ATRNL1: variants seen among roughly 807,000 people sequenced by gnomAD.
ATRNL1 encodes the protein attractin-like protein 1.
Under a neutral mutation model 182.7 loss-of-function variants are expected in ATRNL1, and 95 were observed. That is an observed-to-expected ratio of 0.52 (90% CI 0.44 to 0.62). ATRNL1 has a LOEUF of 0.62. Ranked by LOEUF, ATRNL1 falls within the 20% of genes least tolerant of loss-of-function variation. ATRNL1 has a pLI of 0.00. For missense variants in ATRNL1, 1,471 were observed against 1,679.5 expected (o/e 0.88, Z 2.17); for synonymous variants, 576 against 568.3 (o/e 1.01, Z -0.19).
At chr10:115,535,791 G>A (rs1554990031) in intron 25 of ATRNL1, among the ~76,000 whole-genome samples, 1 of 152,098 alleles carries the variant, frequency 6.6e-6, no homozygotes, top group South Asian at 2.1e-4. Flanking sequence ...TTTTCGGTGT[G>A]GATGTCCTTT....
At position 115,093,553 on chromosome 10, in the gene ATRNL1, G is replaced by A. The variant is rs945603133; in HGVS notation, c.-198G>A. On this transcript the variant is annotated 5_prime_UTR_variant, in exon 1 of 29. In the 5' UTR this introduces an upstream ATG that the reference lacks. Transcript: ENST00000355044. The surrounding 1 kb of genome is among the most constrained non-coding windows in gnomAD (Gnocchi z 6.1). Reference sequence around the variant, plus strand: ...CGGGAGACTGGGTGGCGATGCCCGAGTGCGACTGGAGGCAGCCGAGCGGAG... The same window carrying A: ...CGGGAGACTGGGTGGCGATGCCCGAATGCGACTGGAGGCAGCCGAGCGGAG... The A allele has an allele frequency of 1.4e-6, 1 of 698,122 alleles. No individual in the cohort carries two copies. The highest frequency in any genetic ancestry group is 2.0e-5 in the Admixed American group (1 of 48,928). The allele number at this position is 698,122 out of a possible 1,614,324, so 43.2% of individuals were successfully genotyped here.
At chr10:115,787,106 G>A (rs1949415806) in intron 27 of ATRNL1, among the ~76,000 whole-genome samples, 1 of 152,124 alleles carries the variant, frequency 6.6e-6, no homozygotes, top group African/African-American at 2.4e-5. Flanking sequence ...GTCTGCCATG[G>A]TTACCTAGCC....
intron 26 of ATRNL1, among the ~76,000 whole-genome samples, chr10:115,721,723 T>A (rs940591280): frequency 6.6e-6 from 1 of 152,190 alleles, no homozygotes; most frequent in Admixed American, 6.5e-5. Flanking sequence ...AAGTTGAGAT[T>A]TGGGTGGGGA....
chr10:115,427,924 G>A (rs1438134051), intron 21 of ATRNL1, among the ~76,000 whole-genome samples: 2 of 150,400 alleles, frequency 1.3e-5, no homozygotes, highest in Non-Finnish European at 3.0e-5. Context: ...ATTTGCAAGT[G>A]AATTTTAGAA....
intron 26 of ATRNL1, among the ~76,000 whole-genome samples, chr10:115,553,264 T>C (rs1853106329): frequency 6.6e-6 from 1 of 151,448 alleles, no homozygotes; most frequent in Non-Finnish European, 1.5e-5. Context: ...TGTGAAACTT[T>C]AACTGCAAAA....
chr10:115,339,153 T>C (rs1381972907), intron 19 of ATRNL1, among the ~76,000 whole-genome samples: 1 of 152,156 alleles, frequency 6.6e-6, no homozygotes, highest in Non-Finnish European at 1.5e-5. Context: ...AGTCAGGTAA[T>C]GTCATTCCTT....
intron 24 of ATRNL1, among the ~76,000 whole-genome samples, chr10:115,476,772 T>C (rs4582885): frequency 0.2 from 29,751 of 151,292 alleles, 3,100 homozygotes; most frequent in South Asian, 0.24. Flanking sequence ...AACCTTTTTT[T>C]TAACTCTTGC....
intron 20 of ATRNL1, among the ~76,000 whole-genome samples, chr10:115,413,344 A>G (rs1201971376): frequency 6.6e-6 from 1 of 152,094 alleles, no homozygotes; most frequent in Non-Finnish European, 1.5e-5. Context: ...TAAACGTGGA[A>G]CAAATTTATC....
At chr10:115,913,733 C>A (rs1224972227) in intron 28 of ATRNL1, among the ~76,000 whole-genome samples, 3 of 152,158 alleles carry the variant, frequency 2.0e-5, no homozygotes, top group Non-Finnish European at 4.4e-5. Flanking sequence ...ACAATGTCAG[C>A]CTGTGCAGAA....
At chr10:115,848,553 C>T (rs1257639456) in intron 28 of ATRNL1, among the ~76,000 whole-genome samples, 1 of 152,118 alleles carries the variant, frequency 6.6e-6, no homozygotes, top group Non-Finnish European at 1.5e-5. Flanking sequence ...TAGGTGGGCA[C>T]AGCCAGCCTT....
At chr10:115,575,286 A>G (rs1854634851) in intron 26 of ATRNL1, among the ~76,000 whole-genome samples, 1 of 152,182 alleles carries the variant, frequency 6.6e-6, no homozygotes, top group Non-Finnish European at 1.5e-5. Flanking sequence ...AGATTTGAGC[A>G]ATTATGTGTG....
chr10:115,601,820 T>C (rs1347229186), intron 26 of ATRNL1, among the ~76,000 whole-genome samples: 2 of 152,216 alleles, frequency 1.3e-5, no homozygotes, highest in African/African-American at 4.8e-5. Flanking sequence ...CAGTAATTTC[T>C]TCCTGCATTT....
chr10:115,911,051 C>G (rs1414038636), intron 28 of ATRNL1, among the ~76,000 whole-genome samples: 1 of 152,130 alleles, frequency 6.6e-6, no homozygotes, highest in Admixed American at 6.6e-5. Flanking sequence ...GTCGCCCAGG[C>G]TGGAGTGCAA....
chr10:115,805,050 A>C (rs2134243461), intron 27 of ATRNL1, among the ~76,000 whole-genome samples: 1 of 152,222 alleles, frequency 6.6e-6, no homozygotes, highest in South Asian at 2.1e-4. Context: ...TTAGGTAAAT[A>C]TGTAAAATTC....
chr10:115,496,994 C>T (rs1386040873), intron 24 of ATRNL1, among the ~76,000 whole-genome samples: 1 of 152,108 alleles, frequency 6.6e-6, no homozygotes, highest in Non-Finnish European at 1.5e-5. Flanking sequence ...TTCAGCGACA[C>T]CAGTGAGTTG....
intron 13 of ATRNL1, among the ~76,000 whole-genome samples, chr10:115,275,547 A>G (rs1304932352): frequency 6.6e-6 from 1 of 151,994 alleles, no homozygotes; most frequent in Non-Finnish European, 1.5e-5. Flanking sequence ...TAGTAACCTC[A>G]CCCACCTTGC....
At chr10:115,236,756 TTAAC>T (rs1441912787) in intron 9 of ATRNL1, among the ~76,000 whole-genome samples, 4 of 152,218 alleles carry the variant, frequency 2.6e-5, no homozygotes, top group East Asian at 1.9e-4. Flanking sequence ...ACATTACTCA[TTAAC>T]TAAGTCCATA....
Position 115,093,549 on chromosome 10 carries a change from C to G in ATRNL1, c.-202C>G, listed in dbSNP as rs782403069. ...AGGTCGGGAGACTGGGTGGCGATGC[C>G]CGAGTGCGACTGGAGGCAGCCGAGC... On this transcript the variant is annotated 5_prime_UTR_variant, in exon 1 of 29. Transcript: ENST00000355044. The surrounding 1 kb of genome is among the most constrained non-coding windows in gnomAD (Gnocchi z 6.1). The G allele has an allele frequency of 1.4e-6, 1 of 693,956 alleles. No individual in the cohort carries two copies. The highest frequency in any genetic ancestry group is 1.5e-5 in the South Asian group (1 of 66,422). 43.0% of individuals were successfully genotyped at this position (693,956 alleles called of 1,614,324 possible).
intron 27 of ATRNL1, among the ~76,000 whole-genome samples, chr10:115,832,928 A>G (rs1003112660): frequency 4.6e-5 from 7 of 152,224 alleles, no homozygotes; most frequent in African/African-American, 1.7e-4. Context: ...GCAATGAAGT[A>G]TCAAGGTAAT....
Sources: allele counts gnomAD v4.1 joint callset (sites outside exome capture counted in the v4.1 genomes callset), GRCh38; gene constraint gnomAD v4.1.1; non-coding constraint Gnocchi (gnomAD v3.1); transcripts MANE v1.5; gene names NCBI Gene and HGNC (gene_info 2026-07-23, HGNC 2026-07-21).